The following LRP1B variants were observed in gnomAD, a reference collection of about 807,000 sequenced individuals.
LRP1B encodes LDL receptor related protein 1B, also known as low-density lipoprotein receptor-related protein 1B.
LRP1B carries 217 observed loss-of-function variants against 556.6 expected under a neutral mutation model. The ratio of observed to expected loss-of-function variants is 0.39; its 90% CI spans 0.35 to 0.44. The LOEUF (loss-of-function observed/expected upper bound fraction) is 0.44, where lower values mean the gene tolerates loss of function less well. Ranked by LOEUF, LRP1B falls within the 20% of genes least tolerant of loss-of-function variation. The pLI is 1.00. For missense variants in LRP1B, 5,053 were observed against 5,620.8 expected (o/e 0.90, Z 3.23); for synonymous variants, 2,047 against 1,865.8 (o/e 1.10, Z -2.50).
chr2:140,674,522 CT>C (rs1211079628), intron 41 of LRP1B, among the ~76,000 whole-genome samples: 1 of 152,202 alleles, frequency 6.6e-6, no homozygotes, highest in African/African-American at 2.4e-5. Context: ...CAATTGAACT[CT>C]TTCAACAAAT....
intron 2 of LRP1B, among the ~76,000 whole-genome samples, chr2:141,685,536 T>G (rs1691263813): frequency 6.6e-6 from 1 of 152,048 alleles, no homozygotes; most frequent in Admixed American, 6.6e-5. Context: ...AATGTTACCT[T>G]AATGGTAAAG....
intron 3 of LRP1B, among the ~76,000 whole-genome samples, chr2:141,356,192 A>T (rs940277924): frequency 9.9e-5 from 15 of 152,226 alleles, no homozygotes; most frequent in African/African-American, 3.4e-4. Context: ...TTTTCCAAAG[A>T]CACCAATAGT....
At chr2:141,973,062 T>C (rs1266622654) in intron 1 of LRP1B, among the ~76,000 whole-genome samples, 1 of 151,664 alleles carries the variant, frequency 6.6e-6, no homozygotes, top group African/African-American at 2.4e-5. Context: ...TGTATTATTA[T>C]GTAGTGTTTT....
At chr2:141,872,008 G>C (rs1274137937) in intron 1 of LRP1B, among the ~76,000 whole-genome samples, 4 of 151,888 alleles carry the variant, frequency 2.6e-5, no homozygotes, top group Admixed American at 6.6e-5. Flanking sequence ...CTAGCAGCTG[G>C]AACACAGAAC....
intron 35 of LRP1B, among the ~76,000 whole-genome samples, chr2:140,726,460 CTTTG>C (rs1359879483): frequency 6.6e-6 from 1 of 152,162 alleles, no homozygotes; most frequent in African/African-American, 2.4e-5. Flanking sequence ...CCAGAGATTA[CTTTG>C]TTTGATTCTC....
At chr2:140,562,337 T>C (rs1033853606) in intron 43 of LRP1B, among the ~76,000 whole-genome samples, 7 of 151,688 alleles carry the variant, frequency 4.6e-5, no homozygotes, top group Admixed American at 3.9e-4. Flanking sequence ...AAACAATTTC[T>C]TTTTGTTTAC....
chr2:141,183,430 C>T (rs1681097084), intron 7 of LRP1B, among the ~76,000 whole-genome samples: 1 of 150,670 alleles, frequency 6.6e-6, no homozygotes, highest in African/African-American at 2.4e-5. Context: ...TCATTATTAG[C>T]TTCAACAGGT....
chr2:141,096,659 A>AGAGAGAGAGAGAGAGAGAGG (rs1700322759), intron 7 of LRP1B, among the ~76,000 whole-genome samples: 1 of 124,934 alleles, frequency 8.0e-6, no homozygotes, highest in African/African-American at 2.9e-5. Flanking sequence ...AGAGAGAGAG[A>AGAGAGAGAGAGAGAGAGAGG]GAGAGAGAGA....
At chr2:140,640,508 G>A (rs1410387661) in intron 41 of LRP1B, among the ~76,000 whole-genome samples, 2 of 129,170 alleles carry the variant, frequency 1.5e-5, no homozygotes, top group East Asian at 2.7e-4. Context: ...CCATTCTCCC[G>A]CCTCAGCCTC....
intron 29 of LRP1B, among the ~76,000 whole-genome samples, chr2:140,847,782 A>T (rs1692320307): frequency 6.6e-6 from 1 of 150,740 alleles, no homozygotes; most frequent in South Asian, 2.1e-4. Flanking sequence ...AAAAAGAAGA[A>T]AGAAAAGAAA....
At chr2:140,784,317 T>C (rs189375628) in intron 32 of LRP1B, among the ~76,000 whole-genome samples, 46 of 149,822 alleles carry the variant, frequency 3.1e-4, no homozygotes, top group African/African-American at 1.0e-3. Flanking sequence ...GGTTTCCCTA[T>C]TGGGGGAAAC....
chr2:140,501,531 C>A (rs1689186577), intron 55 of LRP1B, among the ~76,000 whole-genome samples, 156 bp downstream of exon 55: 1 of 151,946 alleles, frequency 6.6e-6, no homozygotes, highest in Non-Finnish European at 1.5e-5. Context: ...TTTTATATCA[C>A]ACTACTATTA....
At chr2:140,628,486 T>G (rs937968796) in intron 41 of LRP1B, among the ~76,000 whole-genome samples, 14 of 148,756 alleles carry the variant, frequency 9.4e-5, no homozygotes, top group Non-Finnish European at 1.6e-4. Context: ...GCAGTGAGCC[T>G]AGATCCTGCC....
At chr2:141,137,837 T>C (rs1328342055) in intron 7 of LRP1B, among the ~76,000 whole-genome samples, 4 of 151,922 alleles carry the variant, frequency 2.6e-5, no homozygotes, top group African/African-American at 9.7e-5. Flanking sequence ...TAGATATTGT[T>C]ACAACACTGT....
At chr2:140,278,339 T>A (rs1022152096) in intron 84 of LRP1B, among the ~76,000 whole-genome samples, 1 of 152,044 alleles carries the variant, frequency 6.6e-6, no homozygotes, top group Non-Finnish European at 1.5e-5. Context: ...TTGTGATTTT[T>A]AAACTTTTCT....
chr2:140,575,393 T>C (rs1459868594), intron 43 of LRP1B, among the ~76,000 whole-genome samples: 4 of 152,196 alleles, frequency 2.6e-5, no homozygotes, highest in Admixed American at 6.5e-5. Context: ...CATATAGACA[T>C]AATTAACTAA....
At chr2:141,442,833 C>T (rs545058065) in intron 3 of LRP1B, among the ~76,000 whole-genome samples, 5 of 151,924 alleles carry the variant, frequency 3.3e-5, no homozygotes, top group South Asian at 2.1e-4. Context: ...ATAAAATTGA[C>T]GGGCATTTGG....
intron 3 of LRP1B, among the ~76,000 whole-genome samples, chr2:141,355,187 T>A (rs1294354984): frequency 6.6e-6 from 1 of 152,118 alleles, no homozygotes; most frequent in African/African-American, 2.4e-5. Flanking sequence ...AGTTTTGTCA[T>A]CATCTGTCTA....
chr2:142,124,977 A>G (rs1707586222), intron 1 of LRP1B, among the ~76,000 whole-genome samples: 1 of 151,696 alleles, frequency 6.6e-6, no homozygotes, highest in African/African-American at 2.4e-5. Context: ...TGGTTTAGTC[A>G]GGGAGCTCAG....
Sources: gnomAD v4.1 joint callset for allele counts (sites outside exome capture counted in the v4.1 genomes callset) on GRCh38, gnomAD v4.1.1 for gene constraint, MANE v1.5 for transcripts, NCBI Gene and HGNC (gene_info 2026-07-23, HGNC 2026-07-21) for gene names.